The following GPATCH2 variants were observed in gnomAD, a reference collection of about 807,000 sequenced individuals.
The protein encoded by GPATCH2 is G-patch domain containing 2.
GPATCH2 carries 51 observed loss-of-function variants against 58.0 expected under a neutral mutation model. The observed-to-expected ratio is 0.88, with a 90% CI of 0.70 to 1.11. GPATCH2 has a LOEUF of 1.11. GPATCH2 is among the 50% of genes most tolerant of loss of function. The probability of loss-of-function intolerance (pLI) is 0.00; values close to 1 mark genes in which losing one functional copy is unlikely to be tolerated. For missense variants in GPATCH2, 625 were observed against 652.2 expected (o/e 0.96, Z 0.45); for synonymous variants, 222 against 218.5 (o/e 1.02, Z -0.14).
chr1:217,572,321 A>G (rs903187629), intron 5 of GPATCH2, among the ~76,000 whole-genome samples: 1 of 152,230 alleles, frequency 6.6e-6, no homozygotes, highest in African/African-American at 2.4e-5. Flanking sequence ...GCCAGATTTC[A>G]GGTCACTGTA....
At chr1:217,619,074 A>G (rs1669052633) in intron 2 of GPATCH2, among the ~76,000 whole-genome samples, 1 of 152,114 alleles carries the variant, frequency 6.6e-6, no homozygotes, top group Admixed American at 6.5e-5. Flanking sequence ...GGTTTTGCGG[A>G]CCCATGCCTA....
intron 6 of GPATCH2, among the ~76,000 whole-genome samples, chr1:217,510,465 T>A (rs1047609530): frequency 6.6e-6 from 1 of 150,672 alleles, no homozygotes; most frequent in African/African-American, 2.4e-5. Flanking sequence ...TAATATATAT[T>A]TAATATATAA....
chr1:217,588,448 G>T (rs1667440947), intron 5 of GPATCH2, among the ~76,000 whole-genome samples: 1 of 151,928 alleles, frequency 6.6e-6, no homozygotes, highest in South Asian at 2.1e-4. Context: ...TGACTATCAG[G>T]ATGATCTCTT....
intron 8 of GPATCH2, among the ~76,000 whole-genome samples, chr1:217,472,279 T>A (rs2102503763): frequency 6.6e-6 from 1 of 150,856 alleles, no homozygotes; most frequent in East Asian, 1.9e-4. Context: ...CATCGCTTAG[T>A]GCATGTTTTC....
At chr1:217,562,350 G>A (rs1665969858) in intron 5 of GPATCH2, among the ~76,000 whole-genome samples, 2 of 152,086 alleles carry the variant, frequency 1.3e-5, no homozygotes, top group Non-Finnish European at 2.9e-5. Context: ...GAACCTTAAG[G>A]CTAAGTGAAT....
intron 9 of GPATCH2, among the ~76,000 whole-genome samples, chr1:217,444,258 C>A (rs1659277053): frequency 6.6e-6 from 1 of 152,274 alleles, no homozygotes; most frequent in South Asian, 2.1e-4. Flanking sequence ...GAGGTTCTGA[C>A]TTGATAAGGA....
In GPATCH2 at chr1:217,514,825, T is replaced by C. The variant is rs1226939043; in HGVS notation, c.1163A>G (p.His388Arg). Residue 388 changes from histidine to arginine, a missense_variant, in exon 6 of 10, where the codon CAT becomes CGT. By Grantham distance (29) the His-to-Arg change is conservative (BLOSUM62 0). Transcript: ENST00000366935. ...MVHFSPDSHH[H>R]DHWFSPGART... is the part of the protein sequence containing the mutation. ...TATAAACACACTGAGTACTCACTCA[T>C]GGTGATGAGAATCCGGGGAAAAATG... The C allele has an allele frequency of 6.9e-7, 1 of 1,454,206 alleles. No homozygotes were observed. Among genetic ancestry groups the C allele is most frequent in the South Asian group, 1.1e-5 (1 of 87,462 alleles). 90.1% of individuals were successfully genotyped at this position (1,454,206 alleles called of 1,614,324 possible). A position where few individuals can be genotyped will look rare whatever the true frequency, so the allele number is the denominator to read the frequency against.
At chr1:217,543,268 CG>C (rs201091608) in intron 5 of GPATCH2, among the ~76,000 whole-genome samples, 9,894 of 132,020 alleles carry the variant, frequency 0.075, 388 homozygotes, top group South Asian at 0.098. Context: ...ATGATGCGAA[CG>C]TTTTTTTTTT....
At chr1:217,494,059 A>G (rs1486473964) in intron 7 of GPATCH2, among the ~76,000 whole-genome samples, 1 of 152,210 alleles carries the variant, frequency 6.6e-6, no homozygotes, top group Admixed American at 6.5e-5. Flanking sequence ...TAGTTCTCAG[A>G]GAGGCCACCA....
At chr1:217,498,463 C>CAA in intron 6 of GPATCH2, 68 bp from the exon 7 acceptor site, 1 of 1,153,474 alleles carries the variant, frequency 8.7e-7, no homozygotes, top group Non-Finnish European at 1.3e-6. Context: ...CATGATCGAG[C>CAA]CGCATGTGCT....
intron 5 of GPATCH2, among the ~76,000 whole-genome samples, chr1:217,553,379 A>G (rs1213920949): frequency 6.6e-6 from 1 of 152,140 alleles, no homozygotes; most frequent in Non-Finnish European, 1.5e-5. Context: ...CTAAGGGAGA[A>G]CAATAAATCC....
intron 8 of GPATCH2, among the ~76,000 whole-genome samples, chr1:217,459,898 C>G (rs1660124447): frequency 6.6e-6 from 1 of 152,144 alleles, no homozygotes; most frequent in African/African-American, 2.4e-5. Flanking sequence ...CTAAGCCAAG[C>G]TCTAAGTTCC....
intron 5 of GPATCH2, among the ~76,000 whole-genome samples, chr1:217,558,894 T>C (rs957658671): frequency 9.9e-5 from 15 of 152,164 alleles, no homozygotes; most frequent in African/African-American, 3.4e-4. Flanking sequence ...CCTTTTTGCT[T>C]CTTCCAACTA....
At chr1:217,514,584 T>A (rs1663028265) in intron 6 of GPATCH2, among the ~76,000 whole-genome samples, 7 of 152,226 alleles carry the variant, frequency 4.6e-5, no homozygotes, top group Admixed American at 4.6e-4. Context: ...TAAATTTCAA[T>A]AATGCATGAA....
intron 5 of GPATCH2, among the ~76,000 whole-genome samples, chr1:217,605,871 G>C (rs1668337938): frequency 6.6e-6 from 1 of 152,042 alleles, no homozygotes; most frequent in African/African-American, 2.4e-5. Flanking sequence ...ATTCTGAATT[G>C]AGTTTAATGC....
At chr1:217,489,127 G>A (rs1487697022) in intron 8 of GPATCH2, among the ~76,000 whole-genome samples, 1 of 149,952 alleles carries the variant, frequency 6.7e-6, no homozygotes, top group East Asian at 2.0e-4. Context: ...TAGAGATGGA[G>A]GGTATCACTA....
At chr1:217,572,044 G>A (rs1666589606) in intron 5 of GPATCH2, among the ~76,000 whole-genome samples, 1 of 151,712 alleles carries the variant, frequency 6.6e-6, no homozygotes, top group African/African-American at 2.4e-5. Context: ...GAGGGAGGGA[G>A]GGAGAGGGAG....
At chr1:217,520,979 G>C (rs910449046) in intron 5 of GPATCH2, among the ~76,000 whole-genome samples, 1 of 152,168 alleles carries the variant, frequency 6.6e-6, no homozygotes, top group African/African-American at 2.4e-5. Context: ...GGAGCAGCTA[G>C]GACTACAGGT....
chr1:217,616,365 ATTC>A (rs1668886418), intron 2 of GPATCH2, among the ~76,000 whole-genome samples: 1 of 152,148 alleles, frequency 6.6e-6, no homozygotes, highest in Admixed American at 6.5e-5. Context: ...CTCCATCTAA[ATTC>A]TTCTTATTCC....
Sources: gnomAD v4.1 joint callset for allele counts (sites outside exome capture counted in the v4.1 genomes callset) on GRCh38, gnomAD v4.1.1 for gene constraint, MANE v1.5 for transcripts, NCBI Gene and HGNC (gene_info 2026-07-23, HGNC 2026-07-21) for gene names.